The following LRP3 variants were observed in gnomAD, a reference collection of about 807,000 sequenced individuals.
LRP3 encodes low-density lipoprotein receptor-related protein 3.
LRP3 carries 49 observed loss-of-function variants against 58.5 expected under a neutral mutation model. That is an observed-to-expected ratio of 0.84 (90% CI 0.67 to 1.06). The LOEUF (loss-of-function observed/expected upper bound fraction) is 1.06. Ranked by LOEUF, LRP3 falls within the 50% of genes least tolerant of loss-of-function variation. The pLI is 0.00. For missense variants in LRP3, 1,019 were observed against 1,134.2 expected (o/e 0.90, Z 1.46); for synonymous variants, 485 against 492.2 (o/e 0.99, Z 0.20).
chr19:33,198,319 T>G (rs928727340), intron 2 of LRP3, among the ~76,000 whole-genome samples: 6 of 152,170 alleles, frequency 3.9e-5, no homozygotes, highest in Non-Finnish European at 8.8e-5. Context: ...AGGGTCCACG[T>G]TGCCAAACTC....
At position 33,207,125 on chromosome 19, in the gene LRP3, G is replaced by T; in HGVS notation, c.1863G>T (p.Gln621His). The T allele has an allele frequency of 6.5e-7, 1 of 1,531,266 alleles. No homozygotes were observed. Among genetic ancestry groups the T allele is most frequent in the Non-Finnish European group, 8.8e-7 (1 of 1,142,638 alleles). The allele number at this position is 1,531,266 out of a possible 1,614,324, so 94.9% of individuals were successfully genotyped here. The change falls in exon 7 of 7, where the codon CAG (glutamine) becomes CAT (histidine). Residue 621 changes from glutamine (Q) to histidine (H), a missense_variant. By Grantham distance (24) the Gln-to-His change is conservative. Around this residue, in one of 2 missense-constraint regions of LRP3, gnomAD observed 427 missense variants for 408.6 expected, o/e 1.04. Transcript: ENST00000253193. ...LFHRPRAPRG[Q>H]IPLLTAARPS... is the part of the protein sequence containing the mutation. The stretch of plus-strand genomic sequence containing the variant: ...ACCGGCCGCGGGCGCCCCGAGGCCA[G>T]ATCCCACTGCTGACCGCAGCACGCC...
At chr19:33,203,096 C>T (rs527577494) in intron 3 of LRP3, 110 bp downstream of exon 3, 2 of 1,323,000 alleles carry the variant, frequency 1.5e-6, no homozygotes, top group African/African-American at 1.4e-5. Flanking sequence ...TGAGGGTGTA[C>T]ATGTGTGTGA....
intron 2 of LRP3, among the ~76,000 whole-genome samples, chr19:33,199,251 C>A (rs1401257809): frequency 6.6e-6 from 1 of 152,164 alleles, no homozygotes; most frequent in Non-Finnish European, 1.5e-5. Context: ...TGGAGATCCC[C>A]CTCCTCATTG....
In LRP3 at chr19:33,205,774, G is replaced by T; in HGVS notation, c.1004G>T (p.Ser335Ile). The T allele has an allele frequency of 6.3e-7, 1 of 1,588,560 alleles. No individual in the cohort carries two copies. Residue 335 changes from serine to isoleucine, a missense_variant, in exon 5 of 7, where the codon AGC becomes ATC. By Grantham distance (142) the Ser-to-Ile change is moderately radical (BLOSUM62 -2). This residue lies in a region of LRP3 where 592 missense variants were observed against 725.5 expected (regional missense o/e 0.82). Transcript: ENST00000253193. ...LSYRSNHRPV[S>I]LEAAQGRLTV... ...TACCGCAGCAACCACCGGCCCGTGA[G>T]CCTGGAGGCCGCCCAGGGCCGCCTC...
rs755911265 is a variant in LRP3 at position 33,206,741 on chromosome 19, C to CCT, written c.1725+9_1725+10insTC. 6.6e-7 allele frequency: 1 copy of CCT among 1,511,534 alleles called. No homozygotes were observed. Among genetic ancestry groups the CCT allele is most frequent in the Admixed American group, 2.3e-5 (1 of 43,698 alleles). 93.6% of individuals were successfully genotyped at this position (1,511,534 alleles called of 1,614,324 possible). A position where few individuals can be genotyped will look rare whatever the true frequency, so the allele number is the denominator to read the frequency against. On this transcript the variant is annotated intron_variant, in intron 6 of 6. Coordinates refer to ENST00000253193, the MANE Select transcript of LRP3 (RefSeq NM_002333.4). Reference sequence around the variant, plus strand: ...GTCTACAGTGCGTCCCAGGTGAGCCCCCGGAGGGCGTGAGGCCCCTCCGGG... The same window carrying CCT: ...GTCTACAGTGCGTCCCAGGTGAGCCCCTCCGGAGGGCGTGAGGCCCCTCCGGG...
In LRP3 at chr19:33,207,964, C is replaced by T. The variant is rs1198568654; in HGVS notation, c.*389C>T. 5 of 241,586 alleles carry T rather than the reference C, an allele frequency of 2.1e-5. No homozygotes were observed. The highest frequency in any genetic ancestry group is 4.6e-5 in the African/African-American group (2 of 43,314). 15.0% of individuals were successfully genotyped at this position (241,586 alleles called of 1,614,324 possible). A position where few individuals can be genotyped will look rare whatever the true frequency, so the allele number is the denominator to read the frequency against. ...TGAGGATGGGGCCGGGCCATGGGGA[C>T]GCTGGGTCTCATCCGTGGTGACTAT... On this transcript the variant is annotated 3_prime_UTR_variant, in exon 7 of 7. Coordinates refer to ENST00000253193, the MANE Select transcript of LRP3 (RefSeq NM_002333.4).
rs1599940305 is a variant in LRP3 at position 33,207,232 on chromosome 19, C to T, written c.1970C>T (p.Thr657Ile). ...APDPPAPLMDTGSTRAAGDRP... is the reference protein window; with the variant it reads ...APDPPAPLMDIGSTRAAGDRP... ...GACCCCCCAGCACCGCTCATGGACA[C>T]AGGCAGCACCAGGGCGGCCGGAGAC... The change falls in exon 7 of 7, where the codon ACA (threonine) becomes ATA (isoleucine). Residue 657 changes from threonine (T) to isoleucine (I), a missense_variant. Physicochemically the swap from Thr to Ile is moderately conservative, Grantham distance 89. Transcript: ENST00000253193. 6.4e-7 allele frequency: 1 copy of T among 1,559,904 alleles called. No homozygotes were observed. The highest frequency in any genetic ancestry group is 8.6e-7 in the Non-Finnish European group (1 of 1,159,656).
chr19:33,204,883 C>T (rs1974383366), intron 4 of LRP3, 31 bp downstream of exon 4: 2 of 1,595,728 alleles, frequency 1.3e-6, no homozygotes, highest in Non-Finnish European at 1.7e-6. Context: ...GGCAGGACAC[C>T]ACGGAGCACA....
intron 4 of LRP3, 177 bp downstream of exon 4, chr19:33,205,029 C>G: frequency 1.4e-6 from 1 of 738,698 alleles, no homozygotes; most frequent in Non-Finnish European, 2.2e-6. Context: ...CCTTGGACCT[C>G]TCAAGGTCAC....
rs955139655 is a variant in LRP3 at position 33,194,945 on chromosome 19, G to T, written c.73+87G>T. 36 of 643,410 alleles carry T rather than the reference G, an allele frequency of 5.6e-5. No homozygotes were observed. The African/African-American group carries it at 7.1e-4, about 13-fold the overall frequency. The allele number at this position is 643,410 out of a possible 1,614,324, so 39.9% of individuals were successfully genotyped here. ...CTGACCGACCTCCTCTCCGGCCGCG[G>T]CATCCCGAGCCCCCCACCGCGGTGG... On this transcript the variant is annotated intron_variant, in intron 1 of 6. Transcript: ENST00000253193.
Position 33,208,576 on chromosome 19 carries a change from C to A in LRP3, c.*1001C>A. 1 of 429,222 alleles carries A rather than the reference C, an allele frequency of 2.3e-6. No individual in the cohort carries two copies. Among genetic ancestry groups the A allele is most frequent in the South Asian group, 2.2e-5 (1 of 44,688 alleles). The allele number at this position is 429,222 out of a possible 1,614,324, so 26.6% of individuals were successfully genotyped here. ...CCTCCTCCAGGGCCTGCCACGGCATCTTCCTGGCCAGCAACATGTGTGCAC... is the reference window on the plus strand; with the variant it reads ...CCTCCTCCAGGGCCTGCCACGGCATATTCCTGGCCAGCAACATGTGTGCAC... On this transcript the variant is annotated 3_prime_UTR_variant, in exon 7 of 7. Transcript: ENST00000253193. This position sits in a 1 kb window ranked among gnomAD's most constrained non-coding sequence, Gnocchi z 4.7.
intron 2 of LRP3, among the ~76,000 whole-genome samples, chr19:33,200,929 G>A (rs978276425): frequency 2.0e-5 from 3 of 152,160 alleles, no homozygotes; most frequent in African/African-American, 7.2e-5. Flanking sequence ...ATGCTCTCAC[G>A]AGCTGTCCGT....
chr19:33,207,036 C>T lies in LRP3; in HGVS notation c.1774C>T (p.Arg592Trp), dbSNP rs774815876. Reference protein sequence around the residue: ...LRTAMRRQMRRHASRRGPSRR... With the variant: ...LRTAMRRQMRWHASRRGPSRR... Reference sequence around the variant, plus strand: ...CACAGCCATGCGGAGACAGATGCGTCGGCACGCCTCCCGCCGGGGGCCCTC... The same window carrying T: ...CACAGCCATGCGGAGACAGATGCGTTGGCACGCCTCCCGCCGGGGGCCCTC... Residue 592 changes from arginine to tryptophan, a missense_variant, in exon 7 of 7, where the codon CGG (arginine) becomes TGG (tryptophan). By Grantham distance (101) the Arg-to-Trp change is moderately radical. Coordinates refer to ENST00000253193, the MANE Select transcript of LRP3 (RefSeq NM_002333.4). 325 of 1,483,604 alleles carry T rather than the reference C, an allele frequency of 2.2e-4. 1 individual carries two copies. The highest frequency in any genetic ancestry group is 2.3e-4 in the Non-Finnish European group (259 of 1,122,788). The allele number at this position is 1,483,604 out of a possible 1,614,324, so 91.9% of individuals were successfully genotyped here.
chr19:33,200,526 C>G (rs1218419486), intron 2 of LRP3, among the ~76,000 whole-genome samples: 2 of 152,216 alleles, frequency 1.3e-5, no homozygotes, highest in Admixed American at 6.5e-5. Flanking sequence ...CCACTGCACC[C>G]GGTCTCTTTT....
intron 2 of LRP3, 95 bp from the exon 3 acceptor site, chr19:33,202,753 A>G: frequency 4.3e-6 from 6 of 1,384,856 alleles, no homozygotes; most frequent in South Asian, 1.4e-5. Context: ...CGATCCCACC[A>G]TGGGGGAGGC....
In LRP3 at chr19:33,207,830, C is replaced by A. The variant is rs182235674; in HGVS notation, c.*255C>A. The stretch of plus-strand genomic sequence containing the variant: ...AAGCACCCTGGGGTCTCACTTCTCT[C>A]CCCCCACTCCATTCTGGGAACCCAT... On this transcript the variant is annotated 3_prime_UTR_variant, in exon 7 of 7. Transcript: ENST00000253193. The A allele has an allele frequency of 2.4e-3, 1,269 of 529,616 alleles. 18 individuals carry two copies. The highest frequency in any genetic ancestry group is 0.023 in the African/African-American group (1,178 of 50,890). The allele number at this position is 529,616 out of a possible 1,614,324, so 32.8% of individuals were successfully genotyped here.
rs376835066 is a variant in LRP3, at chr19:33,202,842, C to A, written c.122-6C>A. Reference sequence around the variant, plus strand: ...GCCGGCCTTTCTCGGCCTCCTCTCCCGACAGCGGCCTGCAGTGGGAAGCTG... The same window carrying A: ...GCCGGCCTTTCTCGGCCTCCTCTCCAGACAGCGGCCTGCAGTGGGAAGCTG... On this transcript the variant is annotated splice_polypyrimidine_tract_variant and splice_region_variant and intron_variant, in intron 2 of 6. Transcript: ENST00000253193. The A allele has an allele frequency of 8.1e-6, 13 of 1,605,438 alleles. No homozygotes were observed. Among genetic ancestry groups the A allele is most frequent in the Non-Finnish European group, 1.1e-5 (13 of 1,175,768 alleles).
Position 33,206,107 on chromosome 19 carries a change from G to A in LRP3, c.1337G>A (p.Gly446Asp). The A allele has an allele frequency of 2.5e-6, 4 of 1,609,664 alleles. No individual in the cohort carries two copies. Among genetic ancestry groups the A allele is most frequent in the Non-Finnish European group, 3.4e-6 (4 of 1,179,054 alleles). The change falls in exon 5 of 7, where the codon GGC (glycine) becomes GAC (aspartate). Residue 446 changes from glycine (G) to aspartate (D), a missense_variant. Physicochemically the swap from Gly to Asp is moderately conservative, Grantham distance 94 (BLOSUM62 -1). This residue lies in a region of LRP3 where 592 missense variants were observed against 725.5 expected (regional missense o/e 0.82). Transcript: ENST00000253193. ...AACAACCAGAAAAGCTGTCCCGACG[G>A]CGCCGACGAGAAGAACTGCTTCTCC... Reference protein sequence around the residue: ...RCNNQKSCPDGADEKNCFSCQ... With the variant: ...RCNNQKSCPDDADEKNCFSCQ...
In LRP3 at chr19:33,204,752, A is replaced by G; in HGVS notation, c.375A>G (p.Pro125=). 1 of 1,612,492 alleles carries G rather than the reference A, an allele frequency of 6.2e-7. No individual in the cohort carries two copies. Residue 125 remains proline (P), a synonymous_variant, in exon 4 of 7, where the codon CCA becomes CCG. Transcript: ENST00000253193. ...TCCGCCTCTGTGGCTCCGCCATCCC[A>G]CCTGCCTTCATCTCTGCCCGCGACC... ...EAFRLCGSAI[P]PAFISARDHV...
Sources: allele counts gnomAD v4.1 joint callset (sites outside exome capture counted in the v4.1 genomes callset), GRCh38; gene constraint gnomAD v4.1.1; regional missense constraint gnomAD v4.1.1; non-coding constraint Gnocchi (gnomAD v3.1); transcripts MANE v1.5; gene names NCBI Gene and HGNC (gene_info 2026-07-23, HGNC 2026-07-21).